MTF2: variants seen among roughly 807,000 people sequenced by gnomAD.
MTF2 encodes the protein metal-response element-binding transcription factor 2.
Under a neutral mutation model 79.5 loss-of-function variants are expected in MTF2, and 11 were observed. The observed-to-expected ratio is 0.14, with a 90% CI of 0.09 to 0.23. The LOEUF (loss-of-function observed/expected upper bound fraction) is 0.23, where lower values mean the gene tolerates loss of function less well. MTF2 is among the 10% of genes least tolerant of loss of function. The pLI is 1.00. For synonymous variants in MTF2, 208 were observed against 232.8 expected, an observed-to-expected ratio of 0.89 and a Z score of 0.97; for missense variants, 486 against 711.2, an observed-to-expected ratio of 0.68 and a Z score of 3.60.
intron 1 of MTF2, among the ~76,000 whole-genome samples, chr1:93,092,390 A>C (rs900625804): frequency 1.3e-5 from 2 of 152,166 alleles, no homozygotes; most frequent in Non-Finnish European, 2.9e-5. Context: ...TAAATTTGGA[A>C]TATTTAATGG....
At position 93,079,458 on chromosome 1, in the gene MTF2, G is replaced by A; in HGVS notation, c.-69G>A. 1 of 1,609,496 alleles carries A rather than the reference G, an allele frequency of 6.2e-7. No individual in the cohort carries two copies. Among genetic ancestry groups the A allele is most frequent in the Non-Finnish European group, 8.5e-7 (1 of 1,176,578 alleles). The stretch of plus-strand genomic sequence containing the variant: ...CCAGTAAGTGCTCGGACTCGCAGGG[G>A]AAGCGCCCACGGGGACGGATTGGTT... On this transcript the variant is annotated 5_prime_UTR_variant, in exon 1 of 15. Coordinates refer to ENST00000370298, the MANE Select transcript of MTF2 (RefSeq NM_007358.4).
chr1:93,098,083 T>C (rs1039497464), intron 1 of MTF2, among the ~76,000 whole-genome samples: 3 of 152,202 alleles, frequency 2.0e-5, no homozygotes, highest in Non-Finnish European at 4.4e-5. Context: ...TTTGTTTGTT[T>C]AGTGTTATTT....
intron 1 of MTF2, among the ~76,000 whole-genome samples, chr1:93,103,977 T>C (rs1655654624): frequency 6.6e-6 from 1 of 152,132 alleles, no homozygotes; most frequent in Non-Finnish European, 1.5e-5. Context: ...TGTTACAGGT[T>C]GTCTAGGCTG....
intron 1 of MTF2, among the ~76,000 whole-genome samples, chr1:93,091,555 C>T (rs1231993247): frequency 6.6e-6 from 1 of 152,144 alleles, no homozygotes; most frequent in Non-Finnish European, 1.5e-5. Context: ...CTATACTTAC[C>T]TTTCATGAAC....
chr1:93,082,942 T>C (rs1571210243), intron 1 of MTF2, among the ~76,000 whole-genome samples: 1 of 152,366 alleles, frequency 6.6e-6, no homozygotes, highest in East Asian at 1.9e-4. Context: ...ACATTTCATG[T>C]AAATGGAGTA....
intron 1 of MTF2, among the ~76,000 whole-genome samples, chr1:93,087,562 ACT>A (rs1044593683): frequency 1.7e-5 from 2 of 118,374 alleles, no homozygotes; most frequent in African/African-American, 5.7e-5. Flanking sequence ...ACAGAGTGAG[ACT>A]CTGTCTCAAA....
At position 93,093,352 on chromosome 1, in the gene MTF2, TCA is replaced by T. The variant is rs534096845; in HGVS notation, c.5+13824_5+13825del. On this transcript the variant is annotated intron_variant, in intron 1 of 14. Transcript: ENST00000370298. ...TACATCTTCAGTTCCACAAAATGTC[TCA>T]CAGTGCACTTTTCCACAATGTCAAT... 1.3e-4 allele frequency among the ~76,000 whole-genome samples: 20 copies of T among 152,340 alleles called. No individual in the cohort carries two copies. In the East Asian group the frequency reaches 3.9e-3, roughly 29 times the overall value.
At chr1:93,121,558 A>G in intron 9 of MTF2, 2 of 982,018 alleles carry the variant, frequency 2.0e-6, no homozygotes, top group Non-Finnish European at 2.4e-6. Context: ...ATCAAATAGG[A>G]TATCAAAGGG....
chr1:93,102,267 G>A (rs1313157203), intron 1 of MTF2, among the ~76,000 whole-genome samples: 2 of 152,158 alleles, frequency 1.3e-5, no homozygotes, highest in Admixed American at 6.6e-5. Flanking sequence ...ATTTAAAAAT[G>A]GGCAAAGAAC....
intron 6 of MTF2, among the ~76,000 whole-genome samples, chr1:93,116,392 G>T (rs1278541957): frequency 6.6e-6 from 1 of 152,052 alleles, no homozygotes; most frequent in African/African-American, 2.4e-5. Flanking sequence ...GGTGCAAGAG[G>T]CCTAGCTTTT....
intron 14 of MTF2, 136 bp from the exon 15 acceptor site, chr1:93,136,534 T>G: frequency 1.4e-6 from 1 of 719,212 alleles, no homozygotes; most frequent in Non-Finnish European, 2.4e-6. Flanking sequence ...ATAGCATTTA[T>G]TGTTTGGGTT....
intron 1 of MTF2, among the ~76,000 whole-genome samples, chr1:93,085,249 C>T (rs1654787843): frequency 6.7e-6 from 1 of 150,080 alleles, no homozygotes; most frequent in Non-Finnish European, 1.5e-5. Flanking sequence ...CATCTCGGCT[C>T]AGTGCAAGCT....
intron 1 of MTF2, among the ~76,000 whole-genome samples, chr1:93,106,578 G>A (rs967840479): frequency 6.7e-6 from 1 of 149,610 alleles, no homozygotes; most frequent in Non-Finnish European, 1.5e-5. Flanking sequence ...GGAGTGCAAT[G>A]GTGCGATCTT....
Position 93,134,149 on chromosome 1 carries a change from T to C in MTF2, c.1378T>C (p.Ser460Pro). The C allele has an allele frequency of 6.2e-7, 1 of 1,613,702 alleles. No homozygotes were observed. The highest frequency in any genetic ancestry group is 8.5e-7 in the Non-Finnish European group (1 of 1,179,780). The stretch of plus-strand genomic sequence containing the variant: ...CTCAGATGTGGATTTCACGGGTGCT[T>C]CCAGTGCAAAAGAAACTACCTCGTC... The part of the protein sequence containing the change: ...NTSDVDFTGA[S>P]SAKETTSSSI... Residue 460 changes from serine to proline, a missense_variant, in exon 14 of 15, where the codon TCC becomes CCC. By Grantham distance (74) the Ser-to-Pro change is moderately conservative. Coordinates refer to ENST00000370298, the MANE Select transcript of MTF2 (RefSeq NM_007358.4).
intron 1 of MTF2, among the ~76,000 whole-genome samples, chr1:93,091,744 A>G (rs537070396): frequency 6.6e-6 from 1 of 152,372 alleles, no homozygotes; most frequent in Admixed American, 6.5e-5. Context: ...AACTTAATTA[A>G]ATACTGAATA....
chr1:93,095,583 G>A (rs926459305), intron 1 of MTF2, among the ~76,000 whole-genome samples: 20 of 151,388 alleles, frequency 1.3e-4, no homozygotes, highest in African/African-American at 3.9e-4. Flanking sequence ...TCAGTGATCC[G>A]CCCACATTGG....
Position 93,119,418 on chromosome 1 carries a change from C to G in MTF2, c.797+17C>G. On this transcript the variant is annotated intron_variant, in intron 8 of 14. Transcript: ENST00000370298. ...ATTACAGTGGTAAGTGTGGACCTTT[C>G]TGTTAAAAGAAAGAAAAGCCATTTT... is the stretch of plus-strand genomic sequence containing the variant. The G allele has an allele frequency of 6.5e-7, 1 of 1,542,796 alleles. No homozygotes were observed. Among genetic ancestry groups the G allele is most frequent in the African/African-American group, 1.4e-5 (1 of 70,984 alleles).
Position 93,120,670 on chromosome 1 carries a change from G to A in MTF2, c.919G>A (p.Glu307Lys). Residue 307 changes from glutamate to lysine, a missense_variant and splice_region_variant, in exon 9 of 15, where the codon GAG becomes AAG. Coordinates refer to ENST00000370298, the MANE Select transcript of MTF2 (RefSeq NM_007358.4). The stretch of plus-strand genomic sequence containing the variant: ...AAACTGGGATAGATTGCACCCTGGA[G>A]AGGTAGGTGGTCTGAGAACTAACTT... ...NENWDRLHPG[E>K]LADTPKSERY... is the part of the protein sequence containing the mutation. The A allele has an allele frequency of 1.2e-6, 2 of 1,605,334 alleles. No homozygotes were observed. Among genetic ancestry groups the A allele is most frequent in the East Asian group, 2.2e-5 (1 of 44,478 alleles).
chr1:93,121,182 T>C, intron 9 of MTF2: 5 of 984,142 alleles, frequency 5.1e-6, no homozygotes, highest in Non-Finnish European at 6.0e-6. Context: ...CATTCTGACA[T>C]CTCATTTTGC....
Sources: gnomAD v4.1 joint callset for allele counts (sites outside exome capture counted in the v4.1 genomes callset) on GRCh38, gnomAD v4.1.1 for gene constraint, MANE v1.5 for transcripts, NCBI Gene and HGNC (gene_info 2026-07-23, HGNC 2026-07-21) for gene names.